The following ZBTB11 variants were observed in gnomAD, a reference collection of about 807,000 sequenced individuals.
The protein encoded by ZBTB11 is zinc finger and BTB domain-containing protein 11.
Under a neutral mutation model 113.1 loss-of-function variants are expected in ZBTB11, and 68 were observed. The ratio of observed to expected loss-of-function variants is 0.60; its 90% CI spans 0.49 to 0.74. ZBTB11 has a LOEUF of 0.74. Among genes scored for constraint, ZBTB11 ranks in the 30% least tolerant of loss-of-function variants. ZBTB11 has a pLI of 0.00. For synonymous variants in ZBTB11, 518 were observed against 452.6 expected, an observed-to-expected ratio of 1.14 and a Z score of -1.83; for missense variants, 1,104 against 1,279.4, an observed-to-expected ratio of 0.86 and a Z score of 2.09.
In ZBTB11 at chr3:101,652,559, C is replaced by T. The variant is rs1475883771; in HGVS notation, c.2581G>A (p.Glu861Lys). 6.2e-7 allele frequency: 1 copy of T among 1,614,026 alleles called. No individual in the cohort carries two copies. Among genetic ancestry groups the T allele is most frequent in the Non-Finnish European group, 8.5e-7 (1 of 1,180,014 alleles). The change falls in exon 10 of 11, where the codon GAA becomes AAA. Residue 861 changes from glutamate (E) to lysine (K), a missense_variant. By Grantham distance (56) the Glu-to-Lys change is moderately conservative. Around this residue, in one of 5 missense-constraint regions of ZBTB11, gnomAD observed 148 missense variants for 259.3 expected, o/e 0.57. Coordinates refer to ENST00000312938, the MANE Select transcript of ZBTB11 (RefSeq NM_014415.4). Reference sequence around the variant, plus strand: ...TGAGTGAATTTTCTTCCACATTTTTCACACACCCGTTCCAGGTTTTGCTTT... The same window carrying T: ...TGAGTGAATTTTCTTCCACATTTTTTACACACCCGTTCCAGGTTTTGCTTT... Reference protein sequence around the residue: ...RAKQNLERVCEKCGRKFTQLR... With the variant: ...RAKQNLERVCKKCGRKFTQLR...
chr3:101,673,253 G>GGAAAATAAAGCCCT (rs1937110696), intron 1 of ZBTB11, among the ~76,000 whole-genome samples: 2 of 152,116 alleles, frequency 1.3e-5, no homozygotes, highest in South Asian at 4.1e-4. Context: ...CTATACAAGA[G>GGAAAATAAAGCCCT]GAAAATAAAG....
At chr3:101,657,706 C>A (rs1936823024) in intron 6 of ZBTB11, among the ~76,000 whole-genome samples, 1 of 151,796 alleles carries the variant, frequency 6.6e-6, no homozygotes, top group African/African-American at 2.4e-5. Context: ...CACTGGAGGC[C>A]AGGCACAGTG....
Position 101,676,719 on chromosome 3 carries a change from G to A in ZBTB11, c.196C>T (p.Leu66=), listed in dbSNP as rs61735374. The A allele has an allele frequency of 3.8e-4, 612 of 1,599,442 alleles. 2 individuals are homozygous for A. In the African/African-American group the frequency reaches 7.5e-3, roughly 20 times the overall value. The change falls in exon 1 of 11, where the codon CTG becomes TTG. Residue 66 remains leucine (L), a synonymous_variant. Transcript: ENST00000312938. ...AGGTCCCGGCGTCGCTCCGGCTGCA[G>A]CACCACCTCCAGCTCCGCGAAGGTC... is the stretch of plus-strand genomic sequence containing the variant. ...RKTFAELEVV[L]QPERRRDLIE... is the part of the protein sequence containing the mutation.
chr3:101,668,087 G>T (rs762271269), intron 3 of ZBTB11, among the ~76,000 whole-genome samples: 40 of 151,784 alleles, frequency 2.6e-4, no homozygotes, highest in Middle Eastern at 3.2e-3. Flanking sequence ...ATCATGCTAA[G>T]TAAGTCAAGG....
In ZBTB11 at chr3:101,665,576, A is replaced by G; in HGVS notation, c.1011T>C (p.Asn337=). The change falls in exon 4 of 11, where the codon AAT becomes AAC. Residue 337 remains asparagine, a synonymous_variant. Transcript: ENST00000312938. ...VASTQDLRVQ[N]GGTAPPVASS... is the part of the protein sequence containing the mutation. ...TAGCAACAGGAGGTGCTGTACCTCCATTCTGTACTCGTAAGTCCTGGGTGG... is the reference window on the plus strand; with the variant it reads ...TAGCAACAGGAGGTGCTGTACCTCCGTTCTGTACTCGTAAGTCCTGGGTGG... The G allele has an allele frequency of 6.2e-7, 1 of 1,614,226 alleles. No homozygotes were observed.
Position 101,671,233 on chromosome 3 carries a change from G to A in ZBTB11, c.675C>T (p.Tyr225=). The part of the protein sequence containing the change: ...DVTLLIEGEE[Y]KAHKSVLSAN... ...CTGACAAAACAGATTTATGAGCTTT[G>A]TACTCTTCTCCTTCAATTAACAAAG... Residue 225 remains tyrosine, a synonymous_variant, in exon 3 of 11, where the codon TAC becomes TAT. Coordinates refer to ENST00000312938, the MANE Select transcript of ZBTB11 (RefSeq NM_014415.4). 6.2e-7 allele frequency: 1 copy of A among 1,614,132 alleles called. No individual in the cohort carries two copies. Among genetic ancestry groups the A allele is most frequent in the Non-Finnish European group, 8.5e-7 (1 of 1,180,018 alleles).
chr3:101,671,330 G>A lies in ZBTB11; in HGVS notation c.578C>T (p.Ser193Phe), dbSNP rs767883194. Residue 193 changes from serine (S) to phenylalanine (F), a missense_variant, in exon 3 of 11, where the codon TCT (serine) becomes TTT (phenylalanine). By Grantham distance (155) the Ser-to-Phe change is radical. Coordinates refer to ENST00000312938, the MANE Select transcript of ZBTB11 (RefSeq NM_014415.4). ...TAAGACAGCCTGACAATGTTTTGGA[G>A]AAGAACGTTTTACCACTCCTTTGGT... ...VDTKGVVKRSSPKHCQAVLKQ... is the reference protein window; with the variant it reads ...VDTKGVVKRSFPKHCQAVLKQ... 1.2e-6 allele frequency: 2 copies of A among 1,614,138 alleles called. No individual in the cohort carries two copies. The highest frequency in any genetic ancestry group is 3.3e-5 in the Admixed American group (2 of 60,020).
rs1937182111 is a variant in ZBTB11, at chr3:101,676,743, T to A, written c.172A>T (p.Thr58Ser). 6.2e-7 allele frequency: 1 copy of A among 1,606,066 alleles called. No homozygotes were observed. Among genetic ancestry groups the A allele is most frequent in the Non-Finnish European group, 8.5e-7 (1 of 1,176,626 alleles). Residue 58 changes from threonine (T) to serine (S), a missense_variant, in exon 1 of 11, where the codon ACC (threonine) becomes TCC (serine). By Grantham distance (58) the Thr-to-Ser change is moderately conservative. Transcript: ENST00000312938. Reference sequence around the variant, plus strand: ...AGCACCACCTCCAGCTCCGCGAAGGTCTTGCGGTGCCGCTGCCGCCGCTGG... The same window carrying A: ...AGCACCACCTCCAGCTCCGCGAAGGACTTGCGGTGCCGCTGCCGCCGCTGG... The part of the protein sequence containing the change: ...YYQRRQRHRK[T>S]FAELEVVLQP...
In ZBTB11 at chr3:101,676,774, C is replaced by G. The variant is rs763710674; in HGVS notation, c.141G>C (p.Leu47=). 1.9e-6 allele frequency: 3 copies of G among 1,610,656 alleles called. No individual in the cohort carries two copies. The highest frequency in any genetic ancestry group is 1.3e-5 in the African/African-American group (1 of 74,904). The change falls in exon 1 of 11, where the codon CTG becomes CTC. Residue 47 remains leucine, a synonymous_variant. Transcript: ENST00000312938. ...GGTGCCGCTGCCGCCGCTGGTAATA[C>G]AGAGTCCCGCCGCGCACCACGTAGC... is the stretch of plus-strand genomic sequence containing the variant. ...AACYVVRGGT[L]YYQRRQRHRK...
intron 6 of ZBTB11, 132 bp downstream of exon 6, chr3:101,659,651 A>G: frequency 8.9e-7 from 1 of 1,128,322 alleles, no homozygotes; most frequent in Non-Finnish European, 1.3e-6. Flanking sequence ...TCTAGGCAAT[A>G]AAGAAGTCAT....
intron 7 of ZBTB11, 68 bp from the exon 8 acceptor site, chr3:101,654,889 T>G: frequency 7.7e-7 from 1 of 1,295,548 alleles, no homozygotes; most frequent in Non-Finnish European, 1.1e-6. Flanking sequence ...AATTTTTTTT[T>G]TTTGAGTGGC....
Position 101,650,956 on chromosome 3 carries a change from C to G in ZBTB11, c.*210G>C, listed in dbSNP as rs978307723. 1 of 436,948 alleles carries G rather than the reference C, an allele frequency of 2.3e-6. No homozygotes were observed. The highest frequency in any genetic ancestry group is 2.0e-5 in the African/African-American group (1 of 49,510). 27.1% of individuals were successfully genotyped at this position (436,948 alleles called of 1,614,324 possible). ...TTGGTGCAAAAGCAATTGCACCAAC[C>G]TAATAGATCTGTTTTCAATTTCTCT... On this transcript the variant is annotated 3_prime_UTR_variant, in exon 11 of 11. Coordinates refer to ENST00000312938, the MANE Select transcript of ZBTB11 (RefSeq NM_014415.4).
chr3:101,653,612 T>G (rs1478465513), intron 8 of ZBTB11, among the ~76,000 whole-genome samples: 1 of 152,152 alleles, frequency 6.6e-6, no homozygotes, highest in East Asian at 1.9e-4. Context: ...AAAAATGTAT[T>G]GATAACAAAC....
chr3:101,657,149 A>AC lies in ZBTB11; in HGVS notation c.2047-902_2047-901insG, dbSNP rs1040617878. ...GAGCAAGAATCAGTCTCAAAAAAAA[A>AC]AAAAAAACAAAAAACCCATAAATTT... On this transcript the variant is annotated intron_variant, in intron 6 of 10. Transcript: ENST00000312938. Among the ~76,000 whole-genome samples, 7 of 150,884 alleles carry AC rather than the reference A, an allele frequency of 4.6e-5. No homozygotes were observed. The South Asian group carries it at 6.3e-4, about 14-fold the overall frequency.
Position 101,650,931 on chromosome 3 carries a change from T to A in ZBTB11, c.*235A>T. The stretch of plus-strand genomic sequence containing the variant: ...TAAACCACTGCCATCAAATATTAGG[T>A]TGGTGCAAAAGCAATTGCACCAACC... On this transcript the variant is annotated 3_prime_UTR_variant, in exon 11 of 11. Transcript: ENST00000312938. The A allele has an allele frequency of 5.8e-6, 2 of 347,144 alleles. No homozygotes were observed. Among genetic ancestry groups the A allele is most frequent in the South Asian group, 9.9e-5 (1 of 10,064 alleles). 21.5% of individuals were successfully genotyped at this position (347,144 alleles called of 1,614,324 possible).
At chr3:101,674,140 A>C (rs1937124981) in intron 1 of ZBTB11, among the ~76,000 whole-genome samples, 1 of 151,786 alleles carries the variant, frequency 6.6e-6, no homozygotes. Context: ...GTTCGAGACA[A>C]GCCTGGCCAA....
Position 101,671,240 on chromosome 3 carries a change from TCTC to T in ZBTB11, c.665_667del (p.Gly222del). ...AACAGATTTATGAGCTTTGTACTCTTCTCCTTCAATTAACAAAGTAACATCACA... is the reference window on the plus strand; with the variant it reads ...AACAGATTTATGAGCTTTGTACTCTTCTTCAATTAACAAAGTAACATCACA... On this transcript the variant is annotated inframe_deletion, in exon 3 of 11. Coordinates refer to ENST00000312938, the MANE Select transcript of ZBTB11 (RefSeq NM_014415.4). The T allele has an allele frequency of 1.2e-6, 2 of 1,614,168 alleles. No homozygotes were observed. Among genetic ancestry groups the T allele is most frequent in the Non-Finnish European group, 1.7e-6 (2 of 1,180,016 alleles).
intron 2 of ZBTB11, 45 bp downstream of exon 2, chr3:101,671,933 T>C (rs1469634190): frequency 4.1e-6 from 6 of 1,461,956 alleles, no homozygotes; most frequent in South Asian, 2.3e-5. Flanking sequence ...CAAATACTAG[T>C]ACACTAGTTA....
chr3:101,657,051 G>C (rs1180158401), intron 6 of ZBTB11, among the ~76,000 whole-genome samples: 1 of 144,982 alleles, frequency 6.9e-6, no homozygotes, highest in Non-Finnish European at 1.5e-5. Context: ...TGAGGTAGGA[G>C]AATCACTTGA....
Sources: gnomAD v4.1 joint callset for allele counts (sites outside exome capture counted in the v4.1 genomes callset) on GRCh38, gnomAD v4.1.1 for gene constraint, gnomAD v4.1.1 regional missense constraint, MANE v1.5 for transcripts, NCBI Gene and HGNC (gene_info 2026-07-23, HGNC 2026-07-21) for gene names.